KCND3: variants seen among roughly 807,000 people sequenced by gnomAD.
KCND3 encodes potassium voltage-gated channel subfamily D member 3.
In KCND3, 9 loss-of-function variants were observed where a neutral mutation model predicts 51.1. That is an observed-to-expected ratio of 0.18 (90% CI 0.11 to 0.31). KCND3 has a LOEUF of 0.31. Among genes scored for constraint, KCND3 ranks in the 10% least tolerant of loss-of-function variants. KCND3 has a pLI of 1.00. For missense variants in KCND3, 526 were observed against 903.8 expected, an observed-to-expected ratio of 0.58 and a Z score of 5.36; for synonymous variants, 349 against 368.0, an observed-to-expected ratio of 0.95 and a Z score of 0.59.
intron 2 of KCND3, among the ~76,000 whole-genome samples, chr1:111,822,290 T>C (rs1666387382): frequency 6.6e-6 from 1 of 152,168 alleles, no homozygotes; most frequent in South Asian, 2.1e-4. Context: ...TTTGGTGACA[T>C]TGTTTAAACT....
At chr1:111,824,294 T>A (rs889058639) in intron 2 of KCND3, among the ~76,000 whole-genome samples, 2 of 152,206 alleles carry the variant, frequency 1.3e-5, no homozygotes, top group Non-Finnish European at 2.9e-5. Context: ...TGGTCTGGTG[T>A]TGACCAGTTG....
At chr1:111,888,835 A>C (rs889636788) in intron 2 of KCND3, among the ~76,000 whole-genome samples, 4 of 152,162 alleles carry the variant, frequency 2.6e-5, no homozygotes, top group Middle Eastern at 6.8e-3. Context: ...GCATGCATTA[A>C]GAAAGGGAAG....
intron 2 of KCND3, among the ~76,000 whole-genome samples, chr1:111,904,615 A>G (rs1002000188): frequency 6.6e-6 from 1 of 152,164 alleles, no homozygotes; most frequent in African/African-American, 2.4e-5. Context: ...AGCTAAATAT[A>G]GAAAGGGCTC....
chr1:111,773,865 TA>T lies in KCND3; in HGVS notation c.*2211del, dbSNP rs1386980247. 6.6e-6 allele frequency: 1 copy of T among 152,200 alleles called. No homozygotes were observed. The highest frequency in any genetic ancestry group is 1.5e-5 in the Non-Finnish European group (1 of 68,036). 9.4% of individuals were successfully genotyped at this position (152,200 alleles called of 1,614,324 possible). A position where few individuals can be genotyped will look rare whatever the true frequency, so the allele number is the denominator to read the frequency against. On this transcript the variant is annotated 3_prime_UTR_variant, in exon 8 of 8. Transcript: ENST00000302127. Reference sequence around the variant, plus strand: ...CTTTGCCCGCCCTCTAAGTGAAGTTTAGCTTGGTCTTCTAATGAGATGTGTA... The same window carrying T: ...CTTTGCCCGCCCTCTAAGTGAAGTTTGCTTGGTCTTCTAATGAGATGTGTA...
In KCND3 at chr1:111,776,255, G is replaced by A; in HGVS notation, c.1790C>T (p.Ala597Val). Reference sequence around the variant, plus strand: ...GCAGTTTGGTCTCAGTCCGTCGTCTGCTTTCAAATTAAGGCTGGAGCGACT... The same window carrying A: ...GCAGTTTGGTCTCAGTCCGTCGTCTACTTTCAAATTAAGGCTGGAGCGACT... ...TTSRSSLNLK[A>V]DDGLRPNCKT... Residue 597 changes from alanine to valine, a missense_variant, in exon 8 of 8, where the codon GCA becomes GTA. By Grantham distance (64) the Ala-to-Val change is moderately conservative (BLOSUM62 0). Coordinates refer to ENST00000302127, the MANE Select transcript of KCND3 (RefSeq NM_001378969.1). 6.2e-7 allele frequency: 1 copy of A among 1,614,146 alleles called. No individual in the cohort carries two copies. Among genetic ancestry groups the A allele is most frequent in the Non-Finnish European group, 8.5e-7 (1 of 1,180,000 alleles).
At position 111,982,280 on chromosome 1, in the gene KCND3, G is replaced by A. The variant is rs1553187519; in HGVS notation, c.447C>T (p.Asp149=). 2 of 1,614,106 alleles carry A rather than the reference G, an allele frequency of 1.2e-6. No homozygotes were observed. Among genetic ancestry groups the A allele is most frequent in the Non-Finnish European group, 1.7e-6 (2 of 1,180,024 alleles). The change falls in exon 2 of 8, where the codon GAC becomes GAT. Residue 149 remains aspartate, a synonymous_variant. Coordinates refer to ENST00000302127, the MANE Select transcript of KCND3 (RefSeq NM_001378969.1). The surrounding 1 kb of genome is among the most constrained non-coding windows in gnomAD (Gnocchi z 8.5). ...CCTGGTTGTTCTCCGAGTCGTTGTC[G>A]TCCATGAGCCGCTCGGCGTTCTCCC... ...RKRENAERLM[D]DNDSENNQES... is the part of the protein sequence containing the mutation.
rs1671821322 is a variant in KCND3, at chr1:111,928,606, G to T, written c.1106+53015C>A. Among the ~76,000 whole-genome samples the T allele has an allele frequency of 5.3e-5, 8 of 152,198 alleles. No individual in the cohort carries two copies. In the South Asian group the frequency reaches 1.7e-3, roughly 32 times the overall value. On this transcript the variant is annotated intron_variant, in intron 2 of 7. Coordinates refer to ENST00000302127, the MANE Select transcript of KCND3 (RefSeq NM_001378969.1). ...GTTAAGATGAACTTTCACTCTCTGG[G>T]CACAACACACAAGCAGGGAGCCCCA... is the stretch of plus-strand genomic sequence containing the variant.
intron 2 of KCND3, among the ~76,000 whole-genome samples, chr1:111,928,273 T>G (rs1009495965): frequency 6.6e-6 from 1 of 152,116 alleles, no homozygotes; most frequent in African/African-American, 2.4e-5. Context: ...GAGGTCATGG[T>G]GCACTAGAAA....
At chr1:111,839,949 A>G (rs1202208598) in intron 2 of KCND3, among the ~76,000 whole-genome samples, 2 of 152,242 alleles carry the variant, frequency 1.3e-5, no homozygotes, top group African/African-American at 2.4e-5. Context: ...ATAACAAAAT[A>G]CCATAAACTG....
intron 2 of KCND3, among the ~76,000 whole-genome samples, chr1:111,891,968 CTGTGTGTGTGTCTGTG>C (rs1191094871): frequency 2.4e-5 from 3 of 124,014 alleles, no homozygotes; most frequent in East Asian, 4.0e-4. Flanking sequence ...GCGTGTGTGT[CTGTGTGTGTGTCTGTG>C]TGTGTGTGTG....
chr1:111,891,060 G>T lies in KCND3; in HGVS notation c.1106+90561C>A, dbSNP rs372212718. 3.3e-5 allele frequency among the ~76,000 whole-genome samples: 5 copies of T among 152,288 alleles called. No individual in the cohort carries two copies. The East Asian group carries it at 5.8e-4, about 18-fold the overall frequency. On this transcript the variant is annotated intron_variant, in intron 2 of 7. Coordinates refer to ENST00000302127, the MANE Select transcript of KCND3 (RefSeq NM_001378969.1). ...ACAGGTCTGGGCACCAGCCTGCCAGGGGTCAGAAACCAGCTCTCCACTTAC... is the reference window on the plus strand; with the variant it reads ...ACAGGTCTGGGCACCAGCCTGCCAGTGGTCAGAAACCAGCTCTCCACTTAC...
intron 2 of KCND3, among the ~76,000 whole-genome samples, chr1:111,817,568 T>G (rs1215393392): frequency 6.6e-6 from 1 of 152,230 alleles, no homozygotes; most frequent in Non-Finnish European, 1.5e-5. Context: ...AACAGTAACA[T>G]GACAATGTTA....
At chr1:111,890,422 G>C (rs1034614944) in intron 2 of KCND3, among the ~76,000 whole-genome samples, 1 of 152,192 alleles carries the variant, frequency 6.6e-6, no homozygotes, top group African/African-American at 2.4e-5. Flanking sequence ...CATCAATGAA[G>C]ATATATGGGT....
intron 3 of KCND3, among the ~76,000 whole-genome samples, chr1:111,783,267 T>A (rs1264122289): frequency 1.3e-5 from 2 of 148,210 alleles, no homozygotes; most frequent in Admixed American, 6.7e-5. Flanking sequence ...CAGTGGACGA[T>A]CAAGACTTCA....
chr1:111,939,995 T>C (rs899745161), intron 2 of KCND3, among the ~76,000 whole-genome samples: 1 of 152,136 alleles, frequency 6.6e-6, no homozygotes, highest in East Asian at 1.9e-4. Context: ...TGATGAACTT[T>C]CTTTCATATG....
intron 2 of KCND3, among the ~76,000 whole-genome samples, chr1:111,949,443 A>G (rs1672948219): frequency 6.6e-6 from 1 of 152,218 alleles, no homozygotes; most frequent in South Asian, 2.1e-4. Context: ...CAGGAGAGCC[A>G]GAGAAGAGCC....
At chr1:111,984,246 C>T (rs980000493) in intron 1 of KCND3, among the ~76,000 whole-genome samples, 1 of 152,198 alleles carries the variant, frequency 6.6e-6, no homozygotes, top group African/African-American at 2.4e-5. Flanking sequence ...TCCTGACTCC[C>T]AACTCTTTGA....
chr1:111,867,947 A>G (rs1668652543), intron 2 of KCND3, among the ~76,000 whole-genome samples: 1 of 152,234 alleles, frequency 6.6e-6, no homozygotes, highest in Non-Finnish European at 1.5e-5. Flanking sequence ...GCTCTAAGCC[A>G]CAGAGCCTCA....
chr1:111,982,071 C>G lies in KCND3; in HGVS notation c.656G>C (p.Gly219Ala). Reference sequence around the variant, plus strand: ...GAAGAAGGCCACCGAGTAGCGCTCCCCGCACGGCAGCTCCTTGCTGCCCGG... The same window carrying G: ...GAAGAAGGCCACCGAGTAGCGCTCCGCGCACGGCAGCTCCTTGCTGCCCGG... ...TVPGSKELPC[G>A]ERYSVAFFCL... Residue 219 changes from glycine (G) to alanine (A), a missense_variant, in exon 2 of 8, where the codon GGG becomes GCG. By Grantham distance (60) the Gly-to-Ala change is moderately conservative. Around this residue, in one of 5 missense-constraint regions of KCND3, gnomAD observed 51 missense variants for 84.7 expected, o/e 0.60. Coordinates refer to ENST00000302127, the MANE Select transcript of KCND3 (RefSeq NM_001378969.1). The surrounding 1 kb of genome is among the most constrained non-coding windows in gnomAD (Gnocchi z 8.5). 1.2e-6 allele frequency: 2 copies of G among 1,613,722 alleles called. No homozygotes were observed. Among genetic ancestry groups the G allele is most frequent in the Non-Finnish European group, 1.7e-6 (2 of 1,179,952 alleles).
Sources: gnomAD v4.1 joint callset for allele counts (sites outside exome capture counted in the v4.1 genomes callset) on GRCh38, gnomAD v4.1.1 for gene constraint, gnomAD v4.1.1 regional missense constraint, Gnocchi (gnomAD v3.1) non-coding constraint, MANE v1.5 for transcripts, NCBI Gene and HGNC (gene_info 2026-07-23, HGNC 2026-07-21) for gene names.